Variants in FREM2 observed in about 807,000 individuals in gnomAD.
FREM2 encodes FRAS1 related extracellular matrix 2.
Under a neutral mutation model 219.9 loss-of-function variants are expected in FREM2, and 119 were observed. The observed-to-expected ratio is 0.54, with a 90% CI of 0.47 to 0.63. FREM2 has a LOEUF of 0.63. Ranked by LOEUF, FREM2 falls within the 30% of genes least tolerant of loss-of-function variation. The pLI is 0.00. For missense variants in FREM2, 4,030 were observed against 3,993.6 expected (o/e 1.01, Z -0.25); for synonymous variants, 1,562 against 1,522.8 (o/e 1.03, Z -0.60).
At chr13:38,757,605 T>C (rs916743347) in intron 2 of FREM2, among the ~76,000 whole-genome samples, 2 of 150,522 alleles carry the variant, frequency 1.3e-5, no homozygotes, top group Admixed American at 1.3e-4. Flanking sequence ...TTTTTTCTCT[T>C]TTTTTTTTAC....
chr13:38,734,374 A>C (rs753495478), intron 2 of FREM2, among the ~76,000 whole-genome samples: 4 of 152,110 alleles, frequency 2.6e-5, no homozygotes, highest in Non-Finnish European at 5.9e-5. Context: ...GAAGAAACGT[A>C]TTTCTTTCTT....
intron 16 of FREM2, among the ~76,000 whole-genome samples, chr13:38,871,630 T>C (rs940724217): frequency 4.6e-5 from 7 of 152,216 alleles, no homozygotes; most frequent in African/African-American, 1.7e-4. Flanking sequence ...GTTTAGAGAA[T>C]ACTGTGGGAC....
At chr13:38,822,225 A>C (rs1876086871) in intron 6 of FREM2, 1 of 152,022 alleles carries the variant, frequency 6.6e-6, no homozygotes, top group Non-Finnish European at 1.5e-5. Context: ...GAGCTGAAAT[A>C]TATCTCAGCT....
chr13:38,837,399 A>C (rs1453436820), intron 6 of FREM2, among the ~76,000 whole-genome samples: 2 of 152,210 alleles, frequency 1.3e-5, no homozygotes, highest in Non-Finnish European at 2.9e-5. Context: ...TGTGGTGCTG[A>C]GAAGAATGTA....
chr13:38,716,985 G>A (rs1871030014), intron 2 of FREM2, among the ~76,000 whole-genome samples: 1 of 152,074 alleles, frequency 6.6e-6, no homozygotes, highest in African/African-American at 2.4e-5. Context: ...ACCTTCATTT[G>A]GAACCAAGAT....
intron 6 of FREM2, among the ~76,000 whole-genome samples, chr13:38,803,584 T>TAAC (rs1452508769): frequency 4.1e-4 from 63 of 151,876 alleles, no homozygotes; most frequent in African/African-American, 1.5e-3. Flanking sequence ...CTAGGGTCAG[T>TAAC]ATTAAGTCAG....
chr13:38,806,070 A>G (rs1316325997), intron 6 of FREM2, among the ~76,000 whole-genome samples: 1 of 151,688 alleles, frequency 6.6e-6, no homozygotes, highest in African/African-American at 2.4e-5. Flanking sequence ...ACTTTTAACA[A>G]ACACATGAGT....
Position 38,707,846 on chromosome 13 carries a change from A to G in FREM2, c.5263+10059A>G, listed in dbSNP as rs376249691. ...AAATTAAGTGCATTGCATCACTGCT[A>G]TAAAATTATGAAAGGTAGGCTACAT... On this transcript the variant is annotated intron_variant, in intron 2 of 23. Transcript: ENST00000280481. Among the ~76,000 whole-genome samples the G allele has an allele frequency of 4.1e-4, 63 of 152,366 alleles. 2 individuals carry two copies. In the South Asian group the frequency reaches 0.012, roughly 29 times the overall value.
Position 38,848,505 on chromosome 13 carries a change from C to A in FREM2, c.6214C>A (p.Pro2072Thr). 6.2e-7 allele frequency: 1 copy of A among 1,614,002 alleles called. No individual in the cohort carries two copies. The highest frequency in any genetic ancestry group is 8.5e-7 in the Non-Finnish European group (1 of 1,179,940). The change falls in exon 8 of 24, where the codon CCT becomes ACT. Residue 2072 changes from proline to threonine, a missense_variant. Around this residue, in one of 2 missense-constraint regions of FREM2, gnomAD observed 3,102 missense variants for 2,950.7 expected, o/e 1.05. Transcript: ENST00000280481. ...CATCAGCCGTAATTTAGATTTTGCA[C>A]CTGGAGTCAACATGCAGCCTGTTCG... ...VGISRNLDFA[P>T]GVNMQPVRVV...
rs780547800 is a variant in FREM2, at chr13:38,846,648, G to A, written c.6095G>A (p.Arg2032Lys). The A allele has an allele frequency of 8.1e-6, 13 of 1,613,712 alleles. No homozygotes were observed. The African/African-American group carries it at 1.2e-4, about 15-fold the overall frequency. ...SAGYVEVQVW[R>K]TGTDLSKSSS... ...GGCTATGTGGAAGTGCAGGTGTGGA[G>A]AACGGGCACTGACCTGTCCAAGTCT... The change falls in exon 7 of 24, where the codon AGA becomes AAA. Residue 2032 changes from arginine to lysine, a missense_variant. Physicochemically the swap from Arg to Lys is conservative, Grantham distance 26. This residue lies in a region of FREM2 where 3,102 missense variants were observed against 2,950.7 expected (regional missense o/e 1.05). Coordinates refer to ENST00000280481, the MANE Select transcript of FREM2 (RefSeq NM_207361.6).
chr13:38,850,248 T>C lies in FREM2; in HGVS notation c.6577+13T>C. On this transcript the variant is annotated intron_variant, in intron 9 of 23. Coordinates refer to ENST00000280481, the MANE Select transcript of FREM2 (RefSeq NM_207361.6). Reference sequence around the variant, plus strand: ...ACATTCCTCCCTGGTAAGCTTGAACTTGAAATTTTTTCGTGAAATTTGAAG... The same window carrying C: ...ACATTCCTCCCTGGTAAGCTTGAACCTGAAATTTTTTCGTGAAATTTGAAG... 2 of 1,612,868 alleles carry C rather than the reference T, an allele frequency of 1.2e-6. No individual in the cohort carries two copies. The highest frequency in any genetic ancestry group is 1.7e-6 in the Non-Finnish European group (2 of 1,179,024).
At position 38,688,233 on chromosome 13, in the gene FREM2, G is replaced by A. The variant is rs1203470244; in HGVS notation, c.889G>A (p.Ala297Thr). Reference sequence around the variant, plus strand: ...ACGAGGGGCTCCTGTGGGCAGCCCTGCTTTGAAACGCGAGCACTTCCAGGT... The same window carrying A: ...ACGAGGGGCTCCTGTGGGCAGCCCTACTTTGAAACGCGAGCACTTCCAGGT... ...RSRGAPVGSP[A>T]LKREHFQVLV... The change falls in exon 1 of 24, where the codon GCT (alanine) becomes ACT (threonine). Residue 297 changes from alanine to threonine, a missense_variant. By Grantham distance (58) the Ala-to-Thr change is moderately conservative (BLOSUM62 0). Around this residue, in one of 2 missense-constraint regions of FREM2, gnomAD observed 3,102 missense variants for 2,950.7 expected, o/e 1.05. Coordinates refer to ENST00000280481, the MANE Select transcript of FREM2 (RefSeq NM_207361.6). 6.2e-7 allele frequency: 1 copy of A among 1,613,838 alleles called. No homozygotes were observed.
intron 5 of FREM2, among the ~76,000 whole-genome samples, chr13:38,783,494 A>G (rs1421435975): frequency 2.2e-5 from 3 of 136,180 alleles, no homozygotes; most frequent in African/African-American, 8.1e-5. Context: ...AAAAAAAAAA[A>G]GAGGCAAAGT....
Position 38,688,042 on chromosome 13 carries a change from T to C in FREM2, c.698T>C (p.Leu233Pro). 1 of 1,609,006 alleles carries C rather than the reference T, an allele frequency of 6.2e-7. No individual in the cohort carries two copies. The highest frequency in any genetic ancestry group is 8.5e-7 in the Non-Finnish European group (1 of 1,176,228). The change falls in exon 1 of 24, where the codon CTC (leucine) becomes CCC (proline). Residue 233 changes from leucine (L) to proline (P), a missense_variant. Leu to Pro is a moderately conservative substitution (Grantham distance 98, BLOSUM62 -3). This residue lies in a region of FREM2 where 3,102 missense variants were observed against 2,950.7 expected (regional missense o/e 1.05). Coordinates refer to ENST00000280481, the MANE Select transcript of FREM2 (RefSeq NM_207361.6). ...GGCGCGCTGCCTCGCTATGGAGAAC[T>C]CCTCCACTACCCGCAGGTCCCTGGA... Reference protein sequence around the residue: ...GLGALPRYGELLHYPQVPGGA... With the variant: ...GLGALPRYGEPLHYPQVPGGA...
At chr13:38,792,833 G>C (rs1177406310) in intron 6 of FREM2, among the ~76,000 whole-genome samples, 1 of 152,076 alleles carries the variant, frequency 6.6e-6, no homozygotes, top group East Asian at 1.9e-4. Flanking sequence ...CTATAGCAAG[G>C]TTTTTAAGGA....
At chr13:38,842,906 C>T (rs1877013195) in intron 6 of FREM2, among the ~76,000 whole-genome samples, 1 of 152,130 alleles carries the variant, frequency 6.6e-6, no homozygotes, top group Non-Finnish European at 1.5e-5. Context: ...GAAAGTATCC[C>T]CAACCTTGAG....
At chr13:38,857,630 C>T (rs1285770424) in intron 12 of FREM2, among the ~76,000 whole-genome samples, 1 of 152,190 alleles carries the variant, frequency 6.6e-6, no homozygotes, top group Non-Finnish European at 1.5e-5. Context: ...GGGCCGCTGG[C>T]CAACCTTTGG....
At chr13:38,877,070 C>T (rs1230817046) in intron 20 of FREM2, 47 bp from the exon 21 acceptor site, 1 of 1,605,286 alleles carries the variant, frequency 6.2e-7, no homozygotes, top group Non-Finnish European at 8.5e-7. Context: ...TGTTTGTGCA[C>T]CATCAGAACC....
chr13:38,786,889 G>A (rs1226450055), intron 6 of FREM2, among the ~76,000 whole-genome samples: 3 of 152,248 alleles, frequency 2.0e-5, no homozygotes, highest in South Asian at 2.1e-4. Flanking sequence ...TTGAACTTAC[G>A]AAGCTAGTAT....
Sources: gnomAD v4.1 joint callset for allele counts (sites outside exome capture counted in the v4.1 genomes callset) on GRCh38, gnomAD v4.1.1 for gene constraint, gnomAD v4.1.1 regional missense constraint, MANE v1.5 for transcripts, NCBI Gene and HGNC (gene_info 2026-07-23, HGNC 2026-07-21) for gene names.